CYP3A43: variants seen among roughly 807,000 people sequenced by gnomAD.
CYP3A43 encodes the protein cytochrome P450 3A43.
Under a neutral mutation model 58.0 loss-of-function variants are expected in CYP3A43, and 45 were observed. The observed-to-expected ratio is 0.78, with a 90% CI of 0.61 to 0.99. The LOEUF is 0.99. Among genes scored for constraint, CYP3A43 ranks in the 50% least tolerant of loss-of-function variants. CYP3A43 has a pLI of 0.00. For missense variants in CYP3A43, 593 were observed against 591.9 expected (o/e 1.00, Z -0.02); for synonymous variants, 191 against 201.4 (o/e 0.95, Z 0.44).
At chr7:99,848,500 A>G (rs907326307) in intron 6 of CYP3A43, among the ~76,000 whole-genome samples, 1 of 152,236 alleles carries the variant, frequency 6.6e-6, no homozygotes, top group Non-Finnish European at 1.5e-5. Context: ...GTCCCCTTGG[A>G]TATTCCAAAA....
chr7:99,865,939 C>A lies in CYP3A43; in HGVS notation c.1450C>A (p.Gln484Lys), dbSNP rs113425961. 3 of 1,564,838 alleles carry A rather than the reference C, an allele frequency of 1.9e-6. No homozygotes were observed. Among genetic ancestry groups the A allele is most frequent in the Admixed American group, 3.7e-5 (2 of 54,722 alleles). The part of the protein sequence containing the change: ...PLKLDNLPIL[Q>K]PEKPIVLKVH... ...GAAATTAGACAATCTACCAATTCTT[C>A]AACCAGAAAAACCTATTGTTCTAAA... Residue 484 changes from glutamine (Q) to lysine (K), a missense_variant, in exon 13 of 13, where the codon CAA becomes AAA. By Grantham distance (53) the Gln-to-Lys change is moderately conservative (BLOSUM62 1). Coordinates refer to ENST00000354829, the MANE Select transcript of CYP3A43 (RefSeq NM_057095.3).
intron 7 of CYP3A43, among the ~76,000 whole-genome samples, chr7:99,850,511 C>T (rs1226444594): frequency 6.6e-6 from 1 of 152,096 alleles, no homozygotes; most frequent in African/African-American, 2.4e-5. Context: ...CTGCCTGCCT[C>T]AGCCTCCCAA....
At chr7:99,854,065 C>CT (rs1339089646) in intron 7 of CYP3A43, among the ~76,000 whole-genome samples, 1 of 152,076 alleles carries the variant, frequency 6.6e-6, no homozygotes, top group Non-Finnish European at 1.5e-5. Flanking sequence ...TTATTATTGA[C>CT]TGTAGTCACT....
At chr7:99,836,673 G>T in intron 2 of CYP3A43, 127 bp downstream of exon 2, 1 of 682,616 alleles carries the variant, frequency 1.5e-6, no homozygotes, top group East Asian at 2.9e-5. Context: ...TGGTGTGTAT[G>T]CTCCACCCAG....
Position 99,855,525 on chromosome 7 carries a change from T to C in CYP3A43, c.671-66T>C, listed in dbSNP as rs1198741940. 9 of 1,531,164 alleles carry C rather than the reference T, an allele frequency of 5.9e-6. No homozygotes were observed. In the African/African-American group the frequency reaches 1.1e-4, roughly 19 times the overall value. The allele number at this position is 1,531,164 out of a possible 1,614,324, so 94.8% of individuals were successfully genotyped here. A position where few individuals can be genotyped will look rare whatever the true frequency, so the allele number is the denominator to read the frequency against. Reference sequence around the variant, plus strand: ...CTATAGGTAGAGAAAATTGTAATTGTTGTAGGTAAATTTCACATTTTTCAC... The same window carrying C: ...CTATAGGTAGAGAAAATTGTAATTGCTGTAGGTAAATTTCACATTTTTCAC... On this transcript the variant is annotated intron_variant, in intron 7 of 12. Coordinates refer to ENST00000354829, the MANE Select transcript of CYP3A43 (RefSeq NM_057095.3).
intron 4 of CYP3A43, among the ~76,000 whole-genome samples, chr7:99,845,250 A>G (rs1457030925): frequency 6.6e-6 from 1 of 151,702 alleles, no homozygotes; most frequent in Non-Finnish European, 1.5e-5. Context: ...CTTTCCCTCT[A>G]TGGGGTTACT....
intron 6 of CYP3A43, among the ~76,000 whole-genome samples, chr7:99,849,206 C>A (rs1817650490): frequency 6.6e-6 from 1 of 152,216 alleles, no homozygotes; most frequent in Non-Finnish European, 1.5e-5. Flanking sequence ...TCTTGTCCTG[C>A]AGAAGCACAG....
At chr7:99,848,034 T>G in intron 5 of CYP3A43, 132 bp from the exon 6 acceptor site, 1 of 879,474 alleles carries the variant, frequency 1.1e-6, no homozygotes, top group Non-Finnish European at 1.8e-6. Context: ...CAGGGGGCGG[T>G]CTTTTCTATT....
At chr7:99,844,306 A>T in intron 4 of CYP3A43, 64 bp downstream of exon 4, 1 of 1,501,572 alleles carries the variant, frequency 6.7e-7, no homozygotes, top group Non-Finnish European at 9.1e-7. Context: ...ATATTCATGG[A>T]AACTTGCCCA....
At chr7:99,859,126 G>T (rs1433388183) in intron 9 of CYP3A43, among the ~76,000 whole-genome samples, 1 of 152,126 alleles carries the variant, frequency 6.6e-6, no homozygotes, top group Non-Finnish European at 1.5e-5. Flanking sequence ...ATTACTTGAT[G>T]TCACTCAAAG....
At chr7:99,853,390 A>C (rs1231850912) in intron 7 of CYP3A43, among the ~76,000 whole-genome samples, 13 of 152,230 alleles carry the variant, frequency 8.5e-5, no homozygotes, top group Non-Finnish European at 1.6e-4. Flanking sequence ...TCTAATAATA[A>C]AATTGTTAAG....
At chr7:99,855,848 T>C (rs925094498) in intron 8 of CYP3A43, 130 bp downstream of exon 8, 16 of 1,039,758 alleles carry the variant, frequency 1.5e-5, no homozygotes, top group Middle Eastern at 2.2e-4. Context: ...AGAGGGTTTT[T>C]ACATTTTGCT....
chr7:99,847,734 G>A, intron 5 of CYP3A43, 133 bp downstream of exon 5: 1 of 1,389,570 alleles, frequency 7.2e-7, no homozygotes, highest in Non-Finnish European at 9.9e-7. Context: ...CTTTTCAGCT[G>A]GGCACAGTGG....
chr7:99,849,758 T>C, intron 7 of CYP3A43, 64 bp downstream of exon 7: 1 of 1,446,698 alleles, frequency 6.9e-7, no homozygotes. Flanking sequence ...AAAAACAGTT[T>C]TATTGAAAAC....
intron 1 of CYP3A43, among the ~76,000 whole-genome samples, chr7:99,833,376 C>T (rs1816925451): frequency 6.6e-6 from 1 of 152,166 alleles, no homozygotes; most frequent in Non-Finnish European, 1.5e-5. Context: ...GAAACAAACA[C>T]AGTTATTCAA....
chr7:99,830,047 G>A (rs1330681560), intron 1 of CYP3A43, among the ~76,000 whole-genome samples: 1 of 152,136 alleles, frequency 6.6e-6, no homozygotes, highest in African/African-American at 2.4e-5. Context: ...AAAGGAAATT[G>A]AAAGGTCTCA....
intron 7 of CYP3A43, among the ~76,000 whole-genome samples, chr7:99,851,056 A>T (rs191457858): frequency 6.6e-6 from 1 of 152,034 alleles, no homozygotes; most frequent in South Asian, 2.1e-4. Flanking sequence ...AATCCCAGCT[A>T]TCAGGAACCT....
chr7:99,852,133 A>G (rs1817785906), intron 7 of CYP3A43, among the ~76,000 whole-genome samples: 1 of 152,202 alleles, frequency 6.6e-6, no homozygotes. Context: ...TGTATTCTGG[A>G]CTGTAAATTC....
chr7:99,838,186 G>C (rs893076793), intron 2 of CYP3A43, among the ~76,000 whole-genome samples: 9 of 152,200 alleles, frequency 5.9e-5, no homozygotes, highest in African/African-American at 2.2e-4. Flanking sequence ...GACATCTAGA[G>C]GTGGCATTTC....
Sources: gnomAD v4.1 joint callset for allele counts (sites outside exome capture counted in the v4.1 genomes callset) on GRCh38, gnomAD v4.1.1 for gene constraint, MANE v1.5 for transcripts, NCBI Gene and HGNC (gene_info 2026-07-23, HGNC 2026-07-21) for gene names.